The following GNG4 variants were observed in gnomAD, a reference collection of about 807,000 sequenced individuals.
GNG4 encodes G protein subunit gamma 4, also known as guanine nucleotide-binding protein G(I)/G(S)/G(O) subunit gamma-4.
GNG4 carries 4 observed loss-of-function variants against 5.8 expected under a neutral mutation model. The ratio of observed to expected loss-of-function variants is 0.69; its 90% confidence interval spans 0.34 to 1.57. GNG4 has a LOEUF of 1.57. GNG4 is among the 40% of genes most tolerant of loss of function. The pLI is 0.06. For synonymous variants in GNG4, 29 were observed against 32.9 expected (o/e 0.88, Z 0.41); for missense variants, 96 against 95.1 (o/e 1.01, Z -0.04).
intron 1 of GNG4, among the ~76,000 whole-genome samples, chr1:235,618,597 ATTC>A (rs1337009532): frequency 6.6e-6 from 1 of 151,718 alleles, no homozygotes; most frequent in Non-Finnish European, 1.5e-5. Context: ...TCACAAACTG[ATTC>A]GTGTGCATGA....
At chr1:235,601,909 G>A (rs551250923) in intron 1 of GNG4, among the ~76,000 whole-genome samples, 18 of 152,186 alleles carry the variant, frequency 1.2e-4, no homozygotes, top group African/African-American at 3.1e-4. Flanking sequence ...TCCCTGGACC[G>A]GAGGCATCAA....
intron 3 of GNG4, among the ~76,000 whole-genome samples, chr1:235,582,430 A>G (rs1687661491): frequency 2.0e-5 from 3 of 151,966 alleles, no homozygotes; most frequent in Admixed American, 2.0e-4. Context: ...ATAGCTCACA[A>G]CTCTGAGAAG....
At position 235,648,381 on chromosome 1, in the gene GNG4, A is replaced by G. The variant is rs1657566828; in HGVS notation, c.-123+1281T>C. Among the ~76,000 whole-genome samples the G allele has an allele frequency of 6.6e-6, 1 of 152,154 alleles. No homozygotes were observed. Among genetic ancestry groups the G allele is most frequent in the Admixed American group, 6.5e-5 (1 of 15,286 alleles). On this transcript the variant is annotated intron_variant, in intron 1 of 3. Transcript: ENST00000391854. The surrounding 1 kb of genome is among the most constrained non-coding windows in gnomAD (Gnocchi z 5.0). ...GAGCAAACCCTACATTTCAAAAACA[A>G]TCCAGTTTATAGGTCCTCTGTCTGT... is the stretch of plus-strand genomic sequence containing the variant.
At chr1:235,591,747 A>AG (rs1687969653) in intron 2 of GNG4, among the ~76,000 whole-genome samples, 1 of 152,200 alleles carries the variant, frequency 6.6e-6, no homozygotes, top group African/African-American at 2.4e-5. Flanking sequence ...AGATGAGGCA[A>AG]GGGGGAAAAG....
chr1:235,605,962 G>GGGA (rs77540275), intron 1 of GNG4, among the ~76,000 whole-genome samples: 49,243 of 146,788 alleles, frequency 0.34, 8,846 homozygotes, highest in South Asian at 0.39. Flanking sequence ...GTGTGGGGGG[G>GGGA]TGGGTCTCAC....
rs558563386 is a variant in GNG4, at chr1:235,593,238, G to C, written c.-11+2162C>G. Among the ~76,000 whole-genome samples the C allele has an allele frequency of 5.3e-5, 8 of 152,326 alleles. No individual in the cohort carries two copies. The South Asian group carries it at 1.7e-3, about 32-fold the overall frequency. ...TGCTGGAATTCAGGCATGAGTGCCT[G>C]CATCCGACCATGCTCTGTAAAATTC... On this transcript the variant is annotated intron_variant, in intron 2 of 3. Coordinates refer to ENST00000391854, the MANE Select transcript of GNG4 (RefSeq NM_001098722.2).
At chr1:235,598,171 A>AG (rs1688169828) in intron 1 of GNG4, among the ~76,000 whole-genome samples, 1 of 152,154 alleles carries the variant, frequency 6.6e-6, no homozygotes, top group Non-Finnish European at 1.5e-5. Context: ...GAATGTACAG[A>AG]GACTAAGGCC....
intron 3 of GNG4, among the ~76,000 whole-genome samples, chr1:235,578,668 C>A (rs1219320769): frequency 6.6e-6 from 1 of 152,070 alleles, no homozygotes; most frequent in African/African-American, 2.4e-5. Context: ...TGAAATAAGC[C>A]ATGCACTGGA....
intron 3 of GNG4, among the ~76,000 whole-genome samples, chr1:235,580,349 C>T (rs1264744518): frequency 6.6e-6 from 1 of 152,088 alleles, no homozygotes; most frequent in Non-Finnish European, 1.5e-5. Context: ...GTGATGGTTG[C>T]ACAATATTGT....
chr1:235,620,153 C>T (rs1056028935), intron 1 of GNG4, among the ~76,000 whole-genome samples: 5 of 152,114 alleles, frequency 3.3e-5, no homozygotes, highest in African/African-American at 4.8e-5. Context: ...CACCTGAGGT[C>T]GGGAGTTCGA....
At chr1:235,625,430 C>T (rs1023057234) in intron 1 of GNG4, among the ~76,000 whole-genome samples, 3 of 152,210 alleles carry the variant, frequency 2.0e-5, no homozygotes, top group Non-Finnish European at 2.9e-5. Context: ...AACACTGACA[C>T]ATCAATATCA....
intron 1 of GNG4, among the ~76,000 whole-genome samples, chr1:235,601,739 G>A (rs542848681): frequency 6.6e-6 from 1 of 152,266 alleles, no homozygotes; most frequent in East Asian, 1.9e-4. Context: ...AGATGCCGAC[G>A]ATGAATGAGT....
intron 2 of GNG4, among the ~76,000 whole-genome samples, chr1:235,591,557 G>A (rs937933459): frequency 1.3e-5 from 2 of 152,206 alleles, no homozygotes; most frequent in Non-Finnish European, 2.9e-5. Flanking sequence ...GAGACTGTCT[G>A]GATGCTATAT....
intron 3 of GNG4, among the ~76,000 whole-genome samples, chr1:235,577,730 C>A (rs950691551): frequency 6.6e-6 from 1 of 152,172 alleles, no homozygotes; most frequent in African/African-American, 2.4e-5. Context: ...TGAGCCACTG[C>A]GCCCGGCCCA....
At chr1:235,593,823 G>GCA in intron 2 of GNG4, among the ~76,000 whole-genome samples, 1 of 152,216 alleles carries the variant, frequency 6.6e-6, no homozygotes, top group Non-Finnish European at 1.5e-5. Flanking sequence ...AGACCTTCGT[G>GCA]GTGAGTGTTA....
At chr1:235,636,802 C>G (rs1689048189) in intron 1 of GNG4, among the ~76,000 whole-genome samples, 1 of 152,150 alleles carries the variant, frequency 6.6e-6, no homozygotes, top group Non-Finnish European at 1.5e-5. Flanking sequence ...GATTCTGGGA[C>G]CCTATTTCCT....
chr1:235,550,231 T>G lies in GNG4; in HGVS notation c.*1878A>C, dbSNP rs896461564. 2.6e-5 allele frequency: 4 copies of G among 152,230 alleles called. No individual in the cohort carries two copies. The highest frequency in any genetic ancestry group is 2.1e-4 in the South Asian group (1 of 4,828). The allele number at this position is 152,230 out of a possible 1,614,324, so 9.4% of individuals were successfully genotyped here. A position where few individuals can be genotyped will look rare whatever the true frequency, so the allele number is the denominator to read the frequency against. On this transcript the variant is annotated 3_prime_UTR_variant, in exon 4 of 4. Coordinates refer to ENST00000391854, the MANE Select transcript of GNG4 (RefSeq NM_001098722.2). ...TTCCTTGGGGCATCCATGAATCACC[T>G]TCCTTAAACTACCAGAATACGGCTT...
At chr1:235,594,419 A>G (rs2481093) in intron 2 of GNG4, among the ~76,000 whole-genome samples, 92,838 of 151,980 alleles carry the variant, frequency 0.61, 29,041 homozygotes, top group East Asian at 0.79. Context: ...TGCCAGTCCC[A>G]TGCCATGCGC....
chr1:235,561,087 G>A (rs1687048898), intron 3 of GNG4, among the ~76,000 whole-genome samples: 1 of 152,160 alleles, frequency 6.6e-6, no homozygotes, highest in Admixed American at 6.5e-5. Context: ...TCGGCTCACT[G>A]CAAGCTCCAC....
Sources: gnomAD v4.1 joint callset for allele counts (sites outside exome capture counted in the v4.1 genomes callset) on GRCh38, gnomAD v4.1.1 for gene constraint, Gnocchi (gnomAD v3.1) non-coding constraint, MANE v1.5 for transcripts, NCBI Gene and HGNC (gene_info 2026-07-23, HGNC 2026-07-21) for gene names.